NUP54: variants seen among roughly 807,000 people sequenced by gnomAD.
NUP54 encodes nucleoporin 54.
NUP54 carries 27 observed loss-of-function variants against 66.4 expected under a neutral mutation model. The observed-to-expected ratio is 0.41, with a 90% CI of 0.30 to 0.56. The LOEUF is 0.56. Among genes scored for constraint, NUP54 ranks in the 20% least tolerant of loss-of-function variants. The pLI is 0.34. For synonymous variants in NUP54, 206 were observed against 210.7 expected (o/e 0.98, Z 0.19); for missense variants, 486 against 596.3 (o/e 0.82, Z 1.93).
At position 76,115,485 on chromosome 4, in the gene NUP54, G is replaced by A; in HGVS notation, c.1405C>T (p.Gln469Ter). The stretch of plus-strand genomic sequence containing the variant: ...AAATGGCTAAGGCCTTCCTGTTGTT[G>A]TTTCAAATGCTAGAACAAATTAAGA... ...LLREIKQHLK[Q>*]QQEGLSHLIS... Residue 469 changes from glutamine (Q) to a stop codon, truncating the protein, a stop_gained, in exon 12 of 12, where the codon CAA becomes TAA. Transcript: ENST00000264883. LOFTEE classifies it high-confidence loss of function. The A allele has an allele frequency of 6.2e-7, 1 of 1,600,200 alleles. No homozygotes were observed. Among genetic ancestry groups the A allele is most frequent in the Non-Finnish European group, 8.5e-7 (1 of 1,175,328 alleles).
Position 76,130,661 on chromosome 4 carries a change from A to G in NUP54, c.1051T>C (p.Leu351=). 6.2e-7 allele frequency: 1 copy of G among 1,610,592 alleles called. No individual in the cohort carries two copies. The highest frequency in any genetic ancestry group is 8.5e-7 in the Non-Finnish European group (1 of 1,176,968). Residue 351 remains leucine, a synonymous_variant, in exon 8 of 12, where the codon TTA becomes CTA. Transcript: ENST00000264883. ...DQMTKQHQTR[L]DIISEDISEL... ...ATAAAAAGCTAAATGCTTACATCTA[A>G]TCTGGTTTGATGCTGCTTAGTCATC... is the stretch of plus-strand genomic sequence containing the variant.
In NUP54 at chr4:76,147,877, T is replaced by C. The variant is rs546408817; in HGVS notation, c.67+431A>G. The stretch of plus-strand genomic sequence containing the variant: ...GGGGCCGGGGGTGGAACTAAGGGAG[T>C]CAATGGGCAGTGCCGGTGGATCCCC... On this transcript the variant is annotated intron_variant, in intron 1 of 11. Coordinates refer to ENST00000264883, the MANE Select transcript of NUP54 (RefSeq NM_017426.4). 1.3e-5 allele frequency: 4 copies of C among 313,026 alleles called. No homozygotes were observed. The East Asian group carries it at 2.3e-4, about 18-fold the overall frequency. The allele number at this position is 313,026 out of a possible 1,614,324, so 19.4% of individuals were successfully genotyped here. A position where few individuals can be genotyped will look rare whatever the true frequency, so the allele number is the denominator to read the frequency against.
chr4:76,123,132 A>T (rs1730305657), intron 9 of NUP54, among the ~76,000 whole-genome samples: 2 of 152,234 alleles, frequency 1.3e-5, no homozygotes, highest in African/African-American at 2.4e-5. Flanking sequence ...TGATTGTGGT[A>T]ATAACGGTTA....
At chr4:76,131,403 C>A in intron 6 of NUP54, 119 bp from the exon 7 acceptor site, 5 of 542,464 alleles carry the variant, frequency 9.2e-6, no homozygotes, top group South Asian at 3.3e-5. Flanking sequence ...AAGTGACTGT[C>A]AAATATAATC....
In NUP54 at chr4:76,148,346, C is replaced by T; in HGVS notation, c.29G>A (p.Gly10Asp). 1 of 1,546,246 alleles carries T rather than the reference C, an allele frequency of 6.5e-7. No individual in the cohort carries two copies. Among genetic ancestry groups the T allele is most frequent in the Non-Finnish European group, 8.7e-7 (1 of 1,146,222 alleles). Reference protein sequence around the residue: MAFNFGAPSGTSGTAAATAA... With the variant: MAFNFGAPSDTSGTAAATAA... ...GGTGGCTGCAGCGGTACCGGAGGTG[C>T]CCGAGGGAGCCCCAAAATTGAAGGC... The change falls in exon 1 of 12, where the codon GGC (glycine) becomes GAC (aspartate). Residue 10 changes from glycine (G) to aspartate (D), a missense_variant. Around this residue, in one of 4 missense-constraint regions of NUP54, gnomAD observed 145 missense variants for 137.1 expected, o/e 1.06. Transcript: ENST00000264883.
intron 5 of NUP54, 107 bp from the exon 6 acceptor site, chr4:76,132,826 A>T (rs537092271): frequency 1.2e-6 from 1 of 838,516 alleles, no homozygotes; most frequent in Admixed American, 3.1e-5. Context: ...TTGAATTCAG[A>T]AATGGTTGTT....
chr4:76,134,781 GCATT>G (rs1730962300), intron 4 of NUP54, among the ~76,000 whole-genome samples: 1 of 151,914 alleles, frequency 6.6e-6, no homozygotes, highest in Non-Finnish European at 1.5e-5. Flanking sequence ...AAAGCAATAC[GCATT>G]CATATATACA....
chr4:76,118,447 G>GCGATCTAGGC, intron 9 of NUP54: 1 of 385,448 alleles, frequency 2.6e-6, no homozygotes, highest in Non-Finnish European at 4.8e-6. Context: ...GTGCAGTGGC[G>GCGATCTAGGC]TAAACACAGC....
At chr4:76,127,026 T>C (rs1359505911) in intron 8 of NUP54, among the ~76,000 whole-genome samples, 1 of 152,002 alleles carries the variant, frequency 6.6e-6, no homozygotes, top group Non-Finnish European at 1.5e-5. Context: ...ACAGACCAAC[T>C]GGCCAATGAA....
At chr4:76,132,301 T>G (rs923061636) in intron 6 of NUP54, 1 of 321,144 alleles carries the variant, frequency 3.1e-6, no homozygotes, top group African/African-American at 2.1e-5. Context: ...TTTCTTCAGT[T>G]CACTATTTCT....
chr4:76,126,708 A>G (rs1730553150), intron 8 of NUP54, among the ~76,000 whole-genome samples: 1 of 152,226 alleles, frequency 6.6e-6, no homozygotes, highest in Non-Finnish European at 1.5e-5. Flanking sequence ...TTAAAAGGGA[A>G]TATTTTAAAA....
chr4:76,115,726 T>C (rs577698753), intron 11 of NUP54, among the ~76,000 whole-genome samples: 1 of 152,292 alleles, frequency 6.6e-6, no homozygotes, highest in East Asian at 1.9e-4. Context: ...AACAATATCT[T>C]CCAACAAAAA....
chr4:76,144,902 AAT>A (rs1417858890), intron 1 of NUP54, among the ~76,000 whole-genome samples: 4 of 152,306 alleles, frequency 2.6e-5, no homozygotes, highest in Middle Eastern at 3.4e-3. Flanking sequence ...GTTTAAAATG[AAT>A]AGTTTTTTAG....
intron 1 of NUP54, among the ~76,000 whole-genome samples, chr4:76,145,400 A>G (rs1731452233): frequency 6.6e-6 from 1 of 152,004 alleles, no homozygotes. Flanking sequence ...AAATGTTTTG[A>G]AAACAGCATG....
intron 9 of NUP54, among the ~76,000 whole-genome samples, chr4:76,121,460 A>T (rs921489985): frequency 1.3e-5 from 2 of 152,150 alleles, no homozygotes; most frequent in Non-Finnish European, 2.9e-5. Flanking sequence ...TTTTAATCAA[A>T]ATTTTTTTAG....
chr4:76,129,674 G>C (rs35109989), intron 8 of NUP54, among the ~76,000 whole-genome samples: 12 of 151,966 alleles, frequency 7.9e-5, no homozygotes, highest in Non-Finnish European at 1.2e-4. Context: ...GACCATCCTG[G>C]TTAACACGGT....
chr4:76,133,839 A>G (rs1453730748), intron 5 of NUP54, among the ~76,000 whole-genome samples: 4 of 152,230 alleles, frequency 2.6e-5, no homozygotes, highest in Non-Finnish European at 5.9e-5. Flanking sequence ...TAAAGCAATA[A>G]TATTTATTCA....
At chr4:76,127,845 A>C (rs188052076) in intron 8 of NUP54, among the ~76,000 whole-genome samples, 2 of 152,302 alleles carry the variant, frequency 1.3e-5, no homozygotes, top group African/African-American at 2.4e-5. Context: ...AAAGATATGA[A>C]TGATTTCAGT....
chr4:76,116,259 T>G (rs550648442), intron 11 of NUP54, among the ~76,000 whole-genome samples: 1 of 152,356 alleles, frequency 6.6e-6, no homozygotes, highest in African/African-American at 2.4e-5. Context: ...GGAATATAAT[T>G]GGTTATGTGT....
Sources: allele counts gnomAD v4.1 joint callset (sites outside exome capture counted in the v4.1 genomes callset), GRCh38; gene constraint gnomAD v4.1.1; regional missense constraint gnomAD v4.1.1; transcripts MANE v1.5; gene names NCBI Gene and HGNC (gene_info 2026-07-23, HGNC 2026-07-21).